Variants in SCAF8 observed in about 807,000 individuals in gnomAD.
The protein encoded by SCAF8 is SR-related CTD associated factor 8.
Under a neutral mutation model 140.5 loss-of-function variants are expected in SCAF8, and 23 were observed. The ratio of observed to expected loss-of-function variants is 0.16; its 90% confidence interval spans 0.12 to 0.23. The LOEUF is 0.23. SCAF8 is among the 10% of genes least tolerant of loss of function. The pLI is 1.00. For missense variants in SCAF8, 1,397 were observed against 1,555.7 expected, an observed-to-expected ratio of 0.90 and a Z score of 1.72; for synonymous variants, 575 against 528.9, an observed-to-expected ratio of 1.09 and a Z score of -1.20.
intron 12 of SCAF8, among the ~76,000 whole-genome samples, chr6:154,815,020 G>C (rs1027922152): frequency 2.0e-5 from 3 of 152,188 alleles, no homozygotes; most frequent in Admixed American, 6.5e-5. Context: ...TTCACAGGCC[G>C]GGTGCGGTGG....
rs371924925 is a variant in SCAF8, at chr6:154,810,191, G to A, written c.1403G>A (p.Arg468Lys). The change falls in exon 12 of 20, where the codon AGA (arginine) becomes AAA (lysine). Residue 468 changes from arginine (R) to lysine (K), a missense_variant. Coordinates refer to ENST00000367178, the MANE Select transcript of SCAF8 (RefSeq NM_014892.5). ...ERQKKGLPPIRSKTLSVCSTT... is the reference protein window; with the variant it reads ...ERQKKGLPPIKSKTLSVCSTT... Reference sequence around the variant, plus strand: ...CAGAAAAAGGGATTACCTCCAATTAGATCTAAAACACTAAGTGGTAAGTAA... The same window carrying A: ...CAGAAAAAGGGATTACCTCCAATTAAATCTAAAACACTAAGTGGTAAGTAA... The A allele has an allele frequency of 4.4e-6, 7 of 1,607,034 alleles. No individual in the cohort carries two copies. Among genetic ancestry groups the A allele is most frequent in the Non-Finnish European group, 5.9e-6 (7 of 1,177,334 alleles).
At chr6:154,737,576 G>T (rs1220952063) in intron 1 of SCAF8, among the ~76,000 whole-genome samples, 2 of 152,086 alleles carry the variant, frequency 1.3e-5, no homozygotes, top group African/African-American at 2.4e-5. Context: ...TCCCAACATG[G>T]GTGAAGGGGG....
At chr6:154,795,277 C>A in intron 6 of SCAF8, 138 bp downstream of exon 6, 1 of 636,726 alleles carries the variant, frequency 1.6e-6, no homozygotes, top group Non-Finnish European at 2.4e-6. Flanking sequence ...TACTTTGTTA[C>A]TTACTTAAGT....
chr6:154,752,550 C>T (rs1778864260), intron 1 of SCAF8, among the ~76,000 whole-genome samples: 1 of 151,698 alleles, frequency 6.6e-6, no homozygotes, highest in South Asian at 2.1e-4. Flanking sequence ...TTGTGGATAT[C>T]TCTGTTGCCC....
intron 1 of SCAF8, among the ~76,000 whole-genome samples, chr6:154,747,836 A>G (rs996691024): frequency 1.3e-5 from 2 of 152,022 alleles, no homozygotes; most frequent in Non-Finnish European, 2.9e-5. Context: ...CAACAGTACA[A>G]AACAGACCAA....
At chr6:154,770,744 G>A (rs187251103) in intron 1 of SCAF8, among the ~76,000 whole-genome samples, 1 of 152,082 alleles carries the variant, frequency 6.6e-6, no homozygotes, top group Admixed American at 6.6e-5. Context: ...GGTTAAACTG[G>A]TTTTTGTTGT....
chr6:154,733,652 G>T lies in SCAF8; in HGVS notation c.-249G>T, dbSNP rs1778322094. On this transcript the variant is annotated 5_prime_UTR_variant, in exon 1 of 20. Transcript: ENST00000367178. ...CCCCCGCCCGCCGCCGACCCGCCCC[G>T]GCAGCGCCTCTGTTCCCTAGAACGG... 1 of 653,088 alleles carries T rather than the reference G, an allele frequency of 1.5e-6. No homozygotes were observed. The highest frequency in any genetic ancestry group is 5.2e-5 in the South Asian group (1 of 19,208). 40.5% of individuals were successfully genotyped at this position (653,088 alleles called of 1,614,324 possible). A position where few individuals can be genotyped will look rare whatever the true frequency, so the allele number is the denominator to read the frequency against.
At chr6:154,734,943 T>A (rs1778371746) in intron 1 of SCAF8, among the ~76,000 whole-genome samples, 1 of 152,078 alleles carries the variant, frequency 6.6e-6, no homozygotes. Flanking sequence ...GCCAACGTGG[T>A]GAAACCCTGT....
Position 154,810,044 on chromosome 6 carries a change from G to A in SCAF8, c.1256G>A (p.Arg419Gln), listed in dbSNP as rs769445964. Residue 419 changes from arginine to glutamine, a missense_variant, in exon 12 of 20, where the codon CGG (arginine) becomes CAG (glutamine). Transcript: ENST00000367178. ...CCAAGAAAACGAAGGTCTAGGTCAC[G>A]GTCTGGCTCTAGAAAGCGTAAACAC... The part of the protein sequence containing the change: ...RSPRKRRSRS[R>Q]SGSRKRKHRK... 9 of 1,608,898 alleles carry A rather than the reference G, an allele frequency of 5.6e-6. No individual in the cohort carries two copies. Among genetic ancestry groups the A allele is most frequent in the Non-Finnish European group, 7.6e-6 (9 of 1,178,696 alleles).
At chr6:154,821,216 AACCTAATACCC>A (rs1028076255) in intron 15 of SCAF8, among the ~76,000 whole-genome samples, 1 of 152,184 alleles carries the variant, frequency 6.6e-6, no homozygotes, top group Non-Finnish European at 1.5e-5. Context: ...AGAGGTCAGC[AACCTAATACCC>A]ATGGTCCAAA....
intron 12 of SCAF8, among the ~76,000 whole-genome samples, chr6:154,812,358 G>A (rs9397750): frequency 8.5e-6 from 1 of 117,396 alleles, no homozygotes; most frequent in South Asian, 2.8e-4. Flanking sequence ...TTTGTTTTTA[G>A]ACATAATGCT....
At chr6:154,772,383 AT>A (rs1352646559) in intron 1 of SCAF8, among the ~76,000 whole-genome samples, 1 of 152,122 alleles carries the variant, frequency 6.6e-6, no homozygotes, top group Non-Finnish European at 1.5e-5. Flanking sequence ...TATATGAGAA[AT>A]TTCAAAACAA....
chr6:154,821,685 T>C (rs1239952467), intron 15 of SCAF8, among the ~76,000 whole-genome samples: 1 of 152,168 alleles, frequency 6.6e-6, no homozygotes, highest in African/African-American at 2.4e-5. Context: ...AGTGCCATGT[T>C]TGTATTCAAA....
chr6:154,813,039 C>CAA (rs35659449), intron 12 of SCAF8, among the ~76,000 whole-genome samples: 2 of 138,654 alleles, frequency 1.4e-5, no homozygotes, highest in Middle Eastern at 3.7e-3. Flanking sequence ...TCACTACCGC[C>CAA]AAAAAAAAAA....
intron 3 of SCAF8, among the ~76,000 whole-genome samples, chr6:154,784,148 TATA>T (rs1562444200): frequency 1.2e-4 from 16 of 129,312 alleles, no homozygotes; most frequent in South Asian, 2.5e-4. Flanking sequence ...TATATATATA[TATA>T]TATATATTTA....
chr6:154,768,131 T>A (rs182153325), intron 1 of SCAF8, among the ~76,000 whole-genome samples: 1 of 152,340 alleles, frequency 6.6e-6, no homozygotes, highest in East Asian at 1.9e-4. Context: ...TTCATGAATT[T>A]CCTTTTCTTT....
chr6:154,832,612 A>G lies in SCAF8; in HGVS notation c.3033A>G (p.Glu1011=). ...IPLGNDNIQQ[E]GDRDYRFPPI... ...TTGGGAATGATAACATTCAACAGGA[A>G]GGAGATAGAGATTACCGGTTTCCTC... The change falls in exon 20 of 20, where the codon GAA becomes GAG. Residue 1011 remains glutamate (E), a synonymous_variant. Coordinates refer to ENST00000367178, the MANE Select transcript of SCAF8 (RefSeq NM_014892.5). 1.2e-6 allele frequency: 2 copies of G among 1,614,146 alleles called. No homozygotes were observed. The highest frequency in any genetic ancestry group is 1.7e-5 in the Admixed American group (1 of 60,022).
intron 1 of SCAF8, among the ~76,000 whole-genome samples, chr6:154,753,438 G>A (rs751875952): frequency 7.9e-5 from 12 of 151,136 alleles, no homozygotes; most frequent in Non-Finnish European, 1.6e-4. Context: ...TTGCACTCCA[G>A]CCTGGGCGAC....
intron 11 of SCAF8, among the ~76,000 whole-genome samples, chr6:154,809,321 T>C (rs1778017155): frequency 6.6e-6 from 1 of 152,180 alleles, no homozygotes; most frequent in Admixed American, 6.6e-5. Flanking sequence ...ATCTGAACAG[T>C]AAATGGTGTA....
Sources: gnomAD v4.1 joint callset for allele counts (sites outside exome capture counted in the v4.1 genomes callset) on GRCh38, gnomAD v4.1.1 for gene constraint, MANE v1.5 for transcripts, NCBI Gene and HGNC (gene_info 2026-07-23, HGNC 2026-07-21) for gene names.